KCNIP3: variants seen among roughly 807,000 people sequenced by gnomAD.
The protein encoded by KCNIP3 is calsenilin.
KCNIP3 carries 28 observed loss-of-function variants against 35.0 expected under a neutral mutation model. That is an observed-to-expected ratio of 0.80 (90% confidence interval 0.59 to 1.10). The LOEUF (loss-of-function observed/expected upper bound fraction) is 1.10, where lower values mean the gene tolerates loss of function less well. Ranked by LOEUF, KCNIP3 falls within the 50% of genes least tolerant of loss-of-function variation. The pLI is 0.00. For missense variants in KCNIP3, 295 were observed against 338.4 expected, an observed-to-expected ratio of 0.87 and a Z score of 1.01; for synonymous variants, 134 against 133.8, an observed-to-expected ratio of 1.00 and a Z score of -0.01.
intron 7 of KCNIP3, 94 bp from the exon 8 acceptor site, chr2:95,383,138 C>A: frequency 1.3e-6 from 1 of 752,108 alleles, no homozygotes; most frequent in African/African-American, 2.1e-5. Context: ...CCCACCCGCC[C>A]ATCCACCCAC....
In KCNIP3 at chr2:95,325,706, C is replaced by T. The variant is rs868048522; in HGVS notation, c.181+15186C>T. Among the ~76,000 whole-genome samples the T allele has an allele frequency of 3.3e-5, 5 of 151,310 alleles. No homozygotes were observed. The East Asian group carries it at 5.8e-4, about 18-fold the overall frequency. ...TCATACACATACACACTCATACATA[C>T]ACACAGTCATACACTTATACACATA... On this transcript the variant is annotated intron_variant, in intron 2 of 8. Transcript: ENST00000295225.
intron 2 of KCNIP3, among the ~76,000 whole-genome samples, chr2:95,337,940 AC>A (rs1679099282): frequency 1.3e-5 from 2 of 152,204 alleles, no homozygotes; most frequent in Non-Finnish European, 2.9e-5. Context: ...AGGCCCAACC[AC>A]GGGGCTACAG....
intron 2 of KCNIP3, among the ~76,000 whole-genome samples, chr2:95,370,165 A>G (rs1680009401): frequency 6.6e-6 from 1 of 151,900 alleles, no homozygotes; most frequent in Non-Finnish European, 1.5e-5. Context: ...GCTTCTTCTC[A>G]TGTCTTTTTA....
Position 95,310,399 on chromosome 2 carries a change from G to A in KCNIP3, c.60G>A (p.Gly20=), listed in dbSNP as rs754112198. The A allele has an allele frequency of 1.9e-6, 3 of 1,613,336 alleles. No homozygotes were observed. The Admixed American group carries it at 5.0e-5, about 27-fold the overall frequency. Residue 20 remains glycine (G), a synonymous_variant, in exon 2 of 9, where the codon GGG becomes GGA. Transcript: ENST00000295225. ...ASDGSLLGDL[G]HTPLSKKEGI... is the part of the protein sequence containing the mutation. ...ACGGCAGCCTCCTGGGGGACCTCGG[G>A]CACACACCACTTAGCAAGAAGGAGG... is the stretch of plus-strand genomic sequence containing the variant.
intron 2 of KCNIP3, among the ~76,000 whole-genome samples, chr2:95,370,823 G>A (rs1463235009): frequency 6.6e-6 from 1 of 151,786 alleles, no homozygotes; most frequent in Admixed American, 6.6e-5. Context: ...GCAGTGGTGT[G>A]ATCTCTGCTC....
Position 95,360,559 on chromosome 2 carries a change from C to G in KCNIP3, c.182-13737C>G, listed in dbSNP as rs1219640247. ...AGTATTTGTTATAACAACACCCACTCTCAGTACCAGTTTTCTGTCTTAGGC... is the reference window on the plus strand; with the variant it reads ...AGTATTTGTTATAACAACACCCACTGTCAGTACCAGTTTTCTGTCTTAGGC... On this transcript the variant is annotated intron_variant, in intron 2 of 8. Coordinates refer to ENST00000295225, the MANE Select transcript of KCNIP3 (RefSeq NM_013434.5). 7.2e-5 allele frequency among the ~76,000 whole-genome samples: 11 copies of G among 152,358 alleles called. No homozygotes were observed. The East Asian group carries it at 2.1e-3, about 29-fold the overall frequency.
At chr2:95,316,723 C>T (rs139592402) in intron 2 of KCNIP3, among the ~76,000 whole-genome samples, 2 of 152,246 alleles carry the variant, frequency 1.3e-5, no homozygotes, top group East Asian at 1.9e-4. Flanking sequence ...GCCCTCACTG[C>T]GAGGAAGGCA....
At chr2:95,325,993 A>T (rs1483463446) in intron 2 of KCNIP3, among the ~76,000 whole-genome samples, 3 of 151,688 alleles carry the variant, frequency 2.0e-5, no homozygotes, top group Non-Finnish European at 4.4e-5. Flanking sequence ...CTACACACTC[A>T]CACACACTCA....
At chr2:95,311,983 A>G (rs1678331399) in intron 2 of KCNIP3, 2 of 152,304 alleles carry the variant, frequency 1.3e-5, no homozygotes, top group South Asian at 4.2e-4. Context: ...TCTGCATCAG[A>G]ATGAAAATGC....
At chr2:95,373,637 T>C (rs1235726805) in intron 2 of KCNIP3, among the ~76,000 whole-genome samples, 2 of 152,148 alleles carry the variant, frequency 1.3e-5, no homozygotes, top group Non-Finnish European at 2.9e-5. Flanking sequence ...TTAGCCAGGA[T>C]GGTCTCGATC....
At chr2:95,325,591 GCACT>G (rs1386717646) in intron 2 of KCNIP3, among the ~76,000 whole-genome samples, 3 of 151,632 alleles carry the variant, frequency 2.0e-5, no homozygotes, top group Admixed American at 6.6e-5. Flanking sequence ...ACGCACACAC[GCACT>G]CACACACTCA....
At chr2:95,338,128 TG>T (rs1399946890) in intron 2 of KCNIP3, among the ~76,000 whole-genome samples, 3 of 151,968 alleles carry the variant, frequency 2.0e-5, no homozygotes, top group Non-Finnish European at 4.4e-5. Flanking sequence ...AGGAGGTAGG[TG>T]GGGAGGCAGG....
chr2:95,304,413 G>T (rs75263408), intron 1 of KCNIP3, among the ~76,000 whole-genome samples: 1 of 152,162 alleles, frequency 6.6e-6, no homozygotes, highest in African/African-American at 2.4e-5. Flanking sequence ...AGCTGAGGCC[G>T]TGCCCTCCCT....
intron 2 of KCNIP3, among the ~76,000 whole-genome samples, chr2:95,348,265 C>T (rs1016602297): frequency 7.2e-5 from 11 of 152,222 alleles, no homozygotes; most frequent in African/African-American, 1.7e-4. Context: ...TTCGCTCGGC[C>T]GGATGCTGGC....
intron 3 of KCNIP3, 59 bp from the exon 4 acceptor site, chr2:95,374,789 C>G: frequency 6.4e-7 from 1 of 1,568,616 alleles, no homozygotes; most frequent in Non-Finnish European, 8.7e-7. Flanking sequence ...AGGCACCATG[C>G]AGAGTCGGGC....
chr2:95,329,991 G>A (rs1678886734), intron 2 of KCNIP3, among the ~76,000 whole-genome samples: 1 of 152,182 alleles, frequency 6.6e-6, no homozygotes, highest in African/African-American at 2.4e-5. Context: ...CATTTCTGCT[G>A]CAGATCCTGG....
intron 2 of KCNIP3, among the ~76,000 whole-genome samples, chr2:95,333,681 A>C (rs1004444370): frequency 3.3e-5 from 5 of 152,242 alleles, no homozygotes; most frequent in African/African-American, 1.2e-4. Context: ...GTGAGTGCCT[A>C]GGACAGTGCC....
chr2:95,336,386 T>A (rs949318105), intron 2 of KCNIP3, among the ~76,000 whole-genome samples: 58 of 152,260 alleles, frequency 3.8e-4, no homozygotes, highest in Admixed American at 2.0e-3. Flanking sequence ...CCTTCAATGA[T>A]ACAAGATCCA....
intron 2 of KCNIP3, among the ~76,000 whole-genome samples, chr2:95,328,221 C>A (rs1169840099): frequency 6.6e-6 from 1 of 152,164 alleles, no homozygotes; most frequent in African/African-American, 2.4e-5. Flanking sequence ...CACTCTCCCC[C>A]CTCCCCCGGC....
Sources: allele counts gnomAD v4.1 joint callset (sites outside exome capture counted in the v4.1 genomes callset), GRCh38; gene constraint gnomAD v4.1.1; transcripts MANE v1.5; gene names NCBI Gene and HGNC (gene_info 2026-07-23, HGNC 2026-07-21).